Variants in DNMT3B observed in about 807,000 individuals in gnomAD.
The protein encoded by DNMT3B is DNA methyltransferase 3 beta, also known as DNA (cytosine-5)-methyltransferase 3B.
A neutral mutation model predicts 120.2 loss-of-function variants in DNMT3B; 37 were observed. The observed-to-expected ratio is 0.31, with a 90% CI of 0.24 to 0.40. The LOEUF (loss-of-function observed/expected upper bound fraction) is 0.40, where lower values mean the gene tolerates loss of function less well. Ranked by LOEUF, DNMT3B falls within the 10% of genes least tolerant of loss-of-function variation. DNMT3B has a pLI of 1.00. For missense variants in DNMT3B, 878 were observed against 1,137.3 expected, an observed-to-expected ratio of 0.77 and a Z score of 3.28; for synonymous variants, 412 against 442.8, an observed-to-expected ratio of 0.93 and a Z score of 0.87.
intron 7 of DNMT3B, 115 bp downstream of exon 7, chr20:32,789,127 C>A: frequency 2.0e-6 from 3 of 1,473,440 alleles, no homozygotes; most frequent in Non-Finnish European, 1.8e-6. Flanking sequence ...TATGCCTTCA[C>A]ACTGTCTGGG....
chr20:32,794,834 T>C (rs1280574254), intron 10 of DNMT3B, among the ~76,000 whole-genome samples: 1 of 152,256 alleles, frequency 6.6e-6, no homozygotes, highest in Non-Finnish European at 1.5e-5. Flanking sequence ...ATTTTGATGC[T>C]AAATTTGCAA....
chr20:32,778,364 CA>C (rs10633411), intron 1 of DNMT3B, among the ~76,000 whole-genome samples: 18,054 of 137,950 alleles, frequency 0.13, 2,782 homozygotes, highest in African/African-American at 0.38. Flanking sequence ...GACTCTGTCT[CA>C]AAAAAAAAAA....
chr20:32,766,881 A>ATT (rs111572909), intron 1 of DNMT3B, among the ~76,000 whole-genome samples: 2 of 149,852 alleles, frequency 1.3e-5, no homozygotes, highest in African/African-American at 4.9e-5. Context: ...CCCAAATTCA[A>ATT]TTTTTTTTTA....
chr20:32,802,236 C>A (rs1601131923), intron 19 of DNMT3B, 149 bp from the exon 20 acceptor site: 5 of 828,054 alleles, frequency 6.0e-6, no homozygotes, highest in Non-Finnish European at 2.1e-6. Context: ...TGTCCTCTAG[C>A]CAGCCTCCTG....
chr20:32,805,328 C>T lies in DNMT3B; in HGVS notation c.2232-10C>T. The T allele has an allele frequency of 6.2e-7, 1 of 1,614,156 alleles. No homozygotes were observed. The highest frequency in any genetic ancestry group is 8.5e-7 in the Non-Finnish European group (1 of 1,179,998). On this transcript the variant is annotated splice_polypyrimidine_tract_variant and intron_variant, in intron 20 of 22. Transcript: ENST00000328111. ...GCTAGTAAGAAGTAATGGGTTTTGG[C>T]TGTTCCCAGGCCCGTGATAGCATCA...
intron 16 of DNMT3B, among the ~76,000 whole-genome samples, chr20:32,799,910 A>G (rs769489138): frequency 3.6e-5 from 5 of 140,548 alleles, no homozygotes; most frequent in Non-Finnish European, 7.7e-5. Flanking sequence ...TTCCACATGC[A>G]TAAGTATAAT....
rs1982211244 is a variant in DNMT3B at position 32,808,611 on chromosome 20, ACTCTT to A, written c.*709_*713del. 4.3e-6 allele frequency: 1 copy of A among 230,866 alleles called. No individual in the cohort carries two copies. The highest frequency in any genetic ancestry group is 8.6e-6 in the Non-Finnish European group (1 of 116,640). The allele number at this position is 230,866 out of a possible 1,614,324, so 14.3% of individuals were successfully genotyped here. ...CCCCACAAACCCAAGGGCAGGGGCC[ACTCTT>A]AGCTAAATCCCTCCCCGTGACTGCA... On this transcript the variant is annotated 3_prime_UTR_variant, in exon 23 of 23. Transcript: ENST00000328111.
chr20:32,797,322 T>C, intron 14 of DNMT3B, 23 bp downstream of exon 14: 1 of 1,609,806 alleles, frequency 6.2e-7, no homozygotes. Context: ...CCCTGTGGGG[T>C]GGATGTGGGT....
chr20:32,800,298 T>C lies in DNMT3B; in HGVS notation c.1905T>C (p.Asn635=). The C allele has an allele frequency of 1.9e-6, 3 of 1,614,018 alleles. No homozygotes were observed. The highest frequency in any genetic ancestry group is 2.5e-6 in the Non-Finnish European group (3 of 1,179,992). ...VNDVRNITKK[N]IEEWGPFDLV... ...ACGTGAGGAACATCACAAAGAAAAA[T>C]GTGAGGGCAGTCTGTACCTTGCGGG... Residue 635 remains asparagine, a splice_region_variant and synonymous_variant, in exon 17 of 23, where the codon AAT becomes AAC. Transcript: ENST00000328111.
In DNMT3B at chr20:32,808,174, A is replaced by G. The variant is rs896816709; in HGVS notation, c.*271A>G. On this transcript the variant is annotated 3_prime_UTR_variant, in exon 23 of 23. Transcript: ENST00000328111. ...CTTCTCCTAAAACTTTAAAACTTGAAGTAGGTAGCAACGTGGCTTTTTTTT... is the reference window on the plus strand; with the variant it reads ...CTTCTCCTAAAACTTTAAAACTTGAGGTAGGTAGCAACGTGGCTTTTTTTT... 35 of 506,256 alleles carry G rather than the reference A, an allele frequency of 6.9e-5. No homozygotes were observed. Among genetic ancestry groups the G allele is most frequent in the African/African-American group, 5.8e-4 (30 of 51,826 alleles). The allele number at this position is 506,256 out of a possible 1,614,324, so 31.4% of individuals were successfully genotyped here.
At position 32,801,557 on chromosome 20, in the gene DNMT3B, T is replaced by C. The variant is rs763920961; in HGVS notation, c.2145+131T>C. 9 of 1,247,562 alleles carry C rather than the reference T, an allele frequency of 7.2e-6. 1 individual carries two copies. In the South Asian group the frequency reaches 9.0e-5, roughly 12 times the overall value. The allele number at this position is 1,247,562 out of a possible 1,614,324, so 77.3% of individuals were successfully genotyped here. A position where few individuals can be genotyped will look rare whatever the true frequency, so the allele number is the denominator to read the frequency against. ...TTCTTGGTCTGGCTAGATCCAATAGTGAGGGATTCAGTGGGTTCTCTTAGT... is the reference window on the plus strand; with the variant it reads ...TTCTTGGTCTGGCTAGATCCAATAGCGAGGGATTCAGTGGGTTCTCTTAGT... On this transcript the variant is annotated intron_variant, in intron 19 of 22. Transcript: ENST00000328111.
At chr20:32,792,303 G>A (rs114930300) in intron 8 of DNMT3B, among the ~76,000 whole-genome samples, 1 of 152,314 alleles carries the variant, frequency 6.6e-6, no homozygotes, top group African/African-American at 2.4e-5. Flanking sequence ...GATAGTGCTG[G>A]CTGGGGCTTC....
rs760505841 is a variant in DNMT3B, at chr20:32,788,878, G to A, written c.679G>A (p.Asp227Asn). 1 of 1,614,070 alleles carries A rather than the reference G, an allele frequency of 6.2e-7. No individual in the cohort carries two copies. Among genetic ancestry groups the A allele is most frequent in the African/African-American group, 1.3e-5 (1 of 74,926 alleles). ...GGATGGGAAGGAGTTTGGAATAGGG[G>A]ACCTCGTGTGGGGAAAGATCAAGGG... ...YQDGKEFGIGDLVWGKIKGFS... is the reference protein window; with the variant it reads ...YQDGKEFGIGNLVWGKIKGFS... The change falls in exon 7 of 23, where the codon GAC becomes AAC. Residue 227 changes from aspartate (D) to asparagine (N), a missense_variant. Asp to Asn is a conservative substitution (Grantham distance 23). This residue lies in a region of DNMT3B where 50 missense variants were observed against 89.7 expected (regional missense o/e 0.56). Transcript: ENST00000328111.
chr20:32,779,948 G>C (rs969421463), intron 1 of DNMT3B: 14 of 844,716 alleles, frequency 1.7e-5, no homozygotes, highest in Non-Finnish European at 2.5e-5. Flanking sequence ...GCCAGGGCCA[G>C]AGGGGACAGA....
chr20:32,767,188 G>A (rs1987428235), intron 1 of DNMT3B, among the ~76,000 whole-genome samples: 1 of 152,152 alleles, frequency 6.6e-6, no homozygotes, highest in African/African-American at 2.4e-5. Flanking sequence ...GAGCCACCGT[G>A]CCTGGCCCAA....
intron 17 of DNMT3B, among the ~76,000 whole-genome samples, 168 bp from the exon 18 acceptor site, chr20:32,800,667 C>G (rs553332304): frequency 6.6e-6 from 1 of 152,266 alleles, no homozygotes; most frequent in Admixed American, 6.5e-5. Flanking sequence ...CCATGTTGGC[C>G]AAGCTGGTCT....
At chr20:32,795,719 T>TC in intron 12 of DNMT3B, 25 bp downstream of exon 12, 1 of 1,613,732 alleles carries the variant, frequency 6.2e-7, no homozygotes. Flanking sequence ...CTCCCAGTCA[T>TC]CCCCCTCACA....
In DNMT3B at chr20:32,792,653, T is replaced by C; in HGVS notation, c.949T>C (p.Phe317Leu). Residue 317 changes from phenylalanine (F) to leucine (L), a missense_variant, in exon 9 of 23, where the codon TTC becomes CTC. By Grantham distance (22) the Phe-to-Leu change is conservative. Coordinates refer to ENST00000328111, the MANE Select transcript of DNMT3B (RefSeq NM_006892.4). ...AGCTAGGGTGCGAGCTGGCAAGACC[T>C]TCCCCAGCAGCCCTGGAGACTCATT... Reference protein sequence around the residue: ...EKARVRAGKTFPSSPGDSLED... With the variant: ...EKARVRAGKTLPSSPGDSLED... The C allele has an allele frequency of 6.2e-7, 1 of 1,614,228 alleles. No individual in the cohort carries two copies. Among genetic ancestry groups the C allele is most frequent in the Non-Finnish European group, 8.5e-7 (1 of 1,180,036 alleles).
In DNMT3B at chr20:32,786,597, C is replaced by G; in HGVS notation, c.402C>G (p.Asp134Glu). Residue 134 changes from aspartate (D) to glutamate (E), a missense_variant, in exon 5 of 23, where the codon GAC becomes GAG. Physicochemically the swap from Asp to Glu is conservative, Grantham distance 45. Coordinates refer to ENST00000328111, the MANE Select transcript of DNMT3B (RefSeq NM_006892.4). Reference sequence around the variant, plus strand: ...GCCGGCAGGGCCGCAACCATGTGGACGAGTCCCCCGTGGAGTTCCCGGCTA... The same window carrying G: ...GCCGGCAGGGCCGCAACCATGTGGAGGAGTCCCCCGTGGAGTTCCCGGCTA... Reference protein sequence around the residue: ...TRGRQGRNHVDESPVEFPATR... With the variant: ...TRGRQGRNHVEESPVEFPATR... 1 of 1,613,966 alleles carries G rather than the reference C, an allele frequency of 6.2e-7. No homozygotes were observed. The highest frequency in any genetic ancestry group is 8.5e-7 in the Non-Finnish European group (1 of 1,180,050).
Sources: allele counts gnomAD v4.1 joint callset (sites outside exome capture counted in the v4.1 genomes callset), GRCh38; gene constraint gnomAD v4.1.1; regional missense constraint gnomAD v4.1.1; transcripts MANE v1.5; gene names NCBI Gene and HGNC (gene_info 2026-07-23, HGNC 2026-07-21).